The following TMEM117 variants were observed in gnomAD, a reference collection of about 807,000 sequenced individuals.
The protein encoded by TMEM117 is transmembrane protein 117.
TMEM117 carries 27 observed loss-of-function variants against 52.4 expected under a neutral mutation model. That is an observed-to-expected ratio of 0.51 (90% confidence interval 0.38 to 0.71). The LOEUF (loss-of-function observed/expected upper bound fraction) is 0.71, where lower values mean the gene tolerates loss of function less well. TMEM117 is among the 30% of genes least tolerant of loss of function. TMEM117 has a pLI of 0.00. For synonymous variants in TMEM117, 215 were observed against 206.3 expected, an observed-to-expected ratio of 1.04 and a Z score of -0.36; for missense variants, 556 against 630.5, an observed-to-expected ratio of 0.88 and a Z score of 1.26.
chr12:44,317,303 T>A (rs1951069158), intron 6 of TMEM117, among the ~76,000 whole-genome samples: 1 of 150,946 alleles, frequency 6.6e-6, no homozygotes, highest in Non-Finnish European at 1.5e-5. Context: ...TATATATGTT[T>A]TTTTTTTTAA....
At chr12:44,367,061 A>ATC (rs1479310342) in intron 6 of TMEM117, among the ~76,000 whole-genome samples, 7 of 152,166 alleles carry the variant, frequency 4.6e-5, no homozygotes, top group African/African-American at 1.7e-4. Context: ...TTAAAAGGGA[A>ATC]TCTCACATGT....
chr12:44,273,728 CAATT>C (rs1950477741), intron 5 of TMEM117, among the ~76,000 whole-genome samples: 1 of 152,168 alleles, frequency 6.6e-6, no homozygotes, highest in Middle Eastern at 3.4e-3. Flanking sequence ...ATGATCATTT[CAATT>C]GATGCTGAAA....
chr12:44,148,819 C>A (rs1273585533), intron 4 of TMEM117, among the ~76,000 whole-genome samples: 1 of 152,094 alleles, frequency 6.6e-6, no homozygotes, highest in Non-Finnish European at 1.5e-5. Context: ...ATAAATAGAT[C>A]ATAACAGCAC....
chr12:43,862,084 G>A (rs1311960343), intron 2 of TMEM117, among the ~76,000 whole-genome samples: 1 of 152,182 alleles, frequency 6.6e-6, no homozygotes, highest in Non-Finnish European at 1.5e-5. Context: ...TTGCTTCGCT[G>A]TCTGCTTGAG....
intron 2 of TMEM117, among the ~76,000 whole-genome samples, chr12:43,932,914 G>T (rs964846763): frequency 2.0e-5 from 3 of 152,190 alleles, no homozygotes; most frequent in Non-Finnish European, 2.9e-5. Context: ...GAGTCAGAGA[G>T]ATCTGAATGC....
intron 3 of TMEM117, among the ~76,000 whole-genome samples, chr12:44,060,095 A>C (rs1947115811): frequency 6.6e-6 from 1 of 152,238 alleles, no homozygotes; most frequent in Non-Finnish European, 1.5e-5. Flanking sequence ...GAAGAATTTA[A>C]CATGCAACAG....
chr12:43,823,988 T>C, the TMEM117 span, among the ~76,000 whole-genome samples: 56 of 152,348 alleles, frequency 3.7e-4, no homozygotes, highest in African/African-American at 1.3e-3. Flanking sequence ...ACATATACAT[T>C]CTCACAGCAG....
chr12:44,169,313 G>A (rs1949012545), intron 4 of TMEM117, among the ~76,000 whole-genome samples: 1 of 152,196 alleles, frequency 6.6e-6, no homozygotes, highest in African/African-American at 2.4e-5. Context: ...TACCAGCAAT[G>A]CACAAGGATT....
At chr12:43,966,620 G>A (rs1195172815) in intron 3 of TMEM117, among the ~76,000 whole-genome samples, 2 of 152,070 alleles carry the variant, frequency 1.3e-5, no homozygotes, top group African/African-American at 2.4e-5. Context: ...TAACTAATTT[G>A]CAGCCAAGTT....
At chr12:44,092,477 T>C (rs1314840913) in intron 3 of TMEM117, among the ~76,000 whole-genome samples, 4 of 152,058 alleles carry the variant, frequency 2.6e-5, no homozygotes, top group Non-Finnish European at 2.9e-5. Context: ...AGGTAGGAGA[T>C]GAAATGCTTT....
the TMEM117 span, chr12:43,797,963 C>G: frequency 1.0e-6 from 1 of 962,052 alleles, no homozygotes; most frequent in South Asian, 1.9e-5. Flanking sequence ...TTATTTTTCA[C>G]ATTTGTTTAC....
At chr12:44,359,447 C>A (rs55761438) in intron 6 of TMEM117, among the ~76,000 whole-genome samples, 5,154 of 151,660 alleles carry the variant, frequency 0.034, 107 homozygotes, top group Middle Eastern at 0.13. Context: ...AAAATTATAC[C>A]ATATATTCAA....
chr12:43,802,610 A>G, the TMEM117 span: 155 of 621,748 alleles, frequency 2.5e-4, no homozygotes, highest in Non-Finnish European at 4.0e-4. Context: ...GTGGTAACAT[A>G]GAAAGTAATT....
At chr12:44,071,272 T>G (rs1426142528) in intron 3 of TMEM117, among the ~76,000 whole-genome samples, 2 of 152,162 alleles carry the variant, frequency 1.3e-5, no homozygotes, top group African/African-American at 4.8e-5. Context: ...GAGACACTGC[T>G]CTTCAGATCC....
chr12:44,177,810 C>T (rs1040211283), intron 4 of TMEM117, among the ~76,000 whole-genome samples: 4 of 152,102 alleles, frequency 2.6e-5, no homozygotes, highest in African/African-American at 4.8e-5. Flanking sequence ...GACTATGCTT[C>T]GATGCCTCCA....
At chr12:43,983,547 C>CATGT (rs1263604236) in intron 3 of TMEM117, among the ~76,000 whole-genome samples, 1 of 110,608 alleles carries the variant, frequency 9.0e-6, no homozygotes, top group African/African-American at 3.2e-5. Context: ...TTGCACCAAC[C>CATGT]GTGTGTGTGT....
intron 6 of TMEM117, among the ~76,000 whole-genome samples, chr12:44,311,815 ATATATATGTATATATGTATATATG>A (rs1376193178): frequency 6.3e-5 from 6 of 94,774 alleles, no homozygotes; most frequent in South Asian, 3.1e-4. Flanking sequence ...GTATATATGT[ATATATATGTATATATGTATATATG>A]TATATATATG....
intron 4 of TMEM117, among the ~76,000 whole-genome samples, chr12:44,167,265 G>C (rs1948980535): frequency 6.6e-6 from 1 of 152,172 alleles, no homozygotes; most frequent in Non-Finnish European, 1.5e-5. Flanking sequence ...TGGACATAGA[G>C]AGGTTGCCTT....
chr12:44,379,935 G>A (rs918387168), intron 7 of TMEM117, among the ~76,000 whole-genome samples: 4 of 152,134 alleles, frequency 2.6e-5, no homozygotes, highest in Admixed American at 2.0e-4. Flanking sequence ...GAATCACCTG[G>A]AGAACTTATT....
Sources: gnomAD v4.1 joint callset for allele counts (sites outside exome capture counted in the v4.1 genomes callset) on GRCh38, gnomAD v4.1.1 for gene constraint, MANE v1.5 for transcripts, NCBI Gene and HGNC (gene_info 2026-07-23, HGNC 2026-07-21) for gene names.